Variants in BCAS4 observed in about 807,000 individuals in gnomAD.
BCAS4 encodes the protein breast carcinoma amplified sequence 4.
BCAS4 carries 9 observed loss-of-function variants against 15.7 expected under a neutral mutation model. The ratio of observed to expected loss-of-function variants is 0.57; its 90% CI spans 0.34 to 1.00. The LOEUF is 1.00. BCAS4 is among the 50% of genes least tolerant of loss of function. The pLI, the probability that BCAS4 is intolerant of heterozygous loss-of-function variation, is 0.02. For missense variants in BCAS4, 225 were observed against 239.1 expected (o/e 0.94, Z 0.39); for synonymous variants, 101 against 99.5 (o/e 1.02, Z -0.09).
intron 1 of BCAS4, among the ~76,000 whole-genome samples, chr20:50,797,030 A>G (rs1164804086): frequency 2.0e-5 from 3 of 151,706 alleles, no homozygotes; most frequent in Non-Finnish European, 4.4e-5. Context: ...TGGAGACGAG[A>G]TCTCACTATG....
intron 4 of BCAS4, among the ~76,000 whole-genome samples, chr20:50,863,248 C>CTTTTTTT (rs1054175958): frequency 5.8e-5 from 5 of 86,096 alleles, no homozygotes; most frequent in East Asian, 3.3e-4. Context: ...CTAACTGGTG[C>CTTTTTTT]TTTTTTTTTT....
intron 1 of BCAS4, among the ~76,000 whole-genome samples, chr20:50,804,133 G>A (rs759485089): frequency 1.6e-4 from 24 of 152,130 alleles, no homozygotes; most frequent in Non-Finnish European, 3.4e-4. Context: ...CTGCCTCCCG[G>A]GTTCAAGCGA....
intron 2 of BCAS4, among the ~76,000 whole-genome samples, chr20:50,823,839 A>G (rs1600862182): frequency 6.6e-6 from 1 of 152,046 alleles, no homozygotes; most frequent in Admixed American, 6.6e-5. Context: ...GTGATGAAAT[A>G]TTCTATATCT....
Position 50,829,246 on chromosome 20 carries a change from T to G in BCAS4, c.163-1033T>G, listed in dbSNP as rs185855451. Among the ~76,000 whole-genome samples, 32 of 151,860 alleles carry G rather than the reference T, an allele frequency of 2.1e-4. No homozygotes were observed. In the East Asian group the frequency reaches 5.6e-3, roughly 27 times the overall value. On this transcript the variant is annotated intron_variant, in intron 2 of 4. Coordinates refer to ENST00000371608, the MANE Select transcript of BCAS4 (RefSeq NM_198799.4). ...GATTCAGTTGCTCCCCAGAATTTTA[T>G]TTTTTTTCTTTTTTGAGATGGAGTT...
chr20:50,856,136 G>T (rs1284139433), intron 4 of BCAS4, among the ~76,000 whole-genome samples: 2 of 152,222 alleles, frequency 1.3e-5, no homozygotes, highest in African/African-American at 4.8e-5. Flanking sequence ...TCAGAACGCA[G>T]GTTCTGGAAT....
intron 4 of BCAS4, among the ~76,000 whole-genome samples, chr20:50,873,475 G>A (rs769747504): frequency 6.6e-6 from 1 of 152,226 alleles, no homozygotes; most frequent in Non-Finnish European, 1.5e-5. Context: ...GATGAGAGGG[G>A]CGGTCTTTGA....
intron 3 of BCAS4, among the ~76,000 whole-genome samples, chr20:50,838,374 G>A (rs6067566): frequency 0.058 from 8,826 of 152,216 alleles, 344 homozygotes; most frequent in Non-Finnish European, 0.086. Context: ...AGTGCCTGCC[G>A]GGGCTATATG....
chr20:50,808,540 T>C (rs935471621), intron 1 of BCAS4, among the ~76,000 whole-genome samples: 24 of 152,216 alleles, frequency 1.6e-4, no homozygotes, highest in African/African-American at 5.8e-4. Context: ...ATTTTTTGAT[T>C]ATAGCCATTC....
chr20:50,854,310 C>T lies in BCAS4; in HGVS notation c.399+12410C>T, dbSNP rs979847851. 2.0e-5 allele frequency among the ~76,000 whole-genome samples: 3 copies of T among 151,988 alleles called. No individual in the cohort carries two copies. In the South Asian group the frequency reaches 6.2e-4, roughly 32 times the overall value. On this transcript the variant is annotated intron_variant, in intron 4 of 4. Coordinates refer to ENST00000371608, the MANE Select transcript of BCAS4 (RefSeq NM_198799.4). ...CATGGCCTCAGGTCGAGGATTTGAACGTGCATGATTTGCTTTCCATTTGGC... is the reference window on the plus strand; with the variant it reads ...CATGGCCTCAGGTCGAGGATTTGAATGTGCATGATTTGCTTTCCATTTGGC...
chr20:50,806,756 G>T (rs2087994492), intron 1 of BCAS4, among the ~76,000 whole-genome samples: 1 of 151,452 alleles, frequency 6.6e-6, no homozygotes, highest in Admixed American at 6.6e-5. Context: ...GGGGGTACAT[G>T]AGATGTTTTG....
chr20:50,869,898 G>A (rs935237168), intron 4 of BCAS4, among the ~76,000 whole-genome samples: 2 of 151,788 alleles, frequency 1.3e-5, no homozygotes, highest in African/African-American at 2.4e-5. Context: ...ACAGGCACCC[G>A]CCACCACACC....
At chr20:50,856,187 C>CCTGCCTG (rs1476693482) in intron 4 of BCAS4, among the ~76,000 whole-genome samples, 3 of 152,318 alleles carry the variant, frequency 2.0e-5, no homozygotes, top group South Asian at 4.1e-4. Context: ...AGTGCAGACT[C>CCTGCCTG]CTGCCTGCTG....
At chr20:50,831,825 C>G (rs772153073) in intron 3 of BCAS4, among the ~76,000 whole-genome samples, 1 of 152,170 alleles carries the variant, frequency 6.6e-6, no homozygotes, top group Non-Finnish European at 1.5e-5. Flanking sequence ...CCAGAGGGAA[C>G]GTGAGCCCCT....
chr20:50,810,610 C>T (rs1357582383), intron 1 of BCAS4, among the ~76,000 whole-genome samples: 17 of 137,244 alleles, frequency 1.2e-4, no homozygotes, highest in African/African-American at 2.0e-4. Context: ...TTTTTTGAGA[C>T]GGAGTCGTCT....
At chr20:50,814,276 T>C (rs2088110494) in intron 1 of BCAS4, among the ~76,000 whole-genome samples, 1 of 152,192 alleles carries the variant, frequency 6.6e-6, no homozygotes. Context: ...GGGACACATT[T>C]CTAACTTCCC....
chr20:50,875,687 C>T (rs997174750), intron 4 of BCAS4, among the ~76,000 whole-genome samples: 3 of 151,272 alleles, frequency 2.0e-5, no homozygotes, highest in African/African-American at 7.3e-5. Context: ...GAGACTGAGG[C>T]AGGAGAATTG....
intron 3 of BCAS4, chr20:50,832,690 C>T (rs1174464712): frequency 6.6e-6 from 1 of 152,374 alleles, no homozygotes; most frequent in Non-Finnish European, 1.5e-5. Context: ...TTCTTTGCCT[C>T]TTTTCTTGCC....
At chr20:50,838,283 C>G (rs1039636573) in intron 3 of BCAS4, among the ~76,000 whole-genome samples, 3 of 152,216 alleles carry the variant, frequency 2.0e-5, no homozygotes, top group African/African-American at 7.2e-5. Flanking sequence ...AACCCACATT[C>G]TAAAGGGCGT....
intron 2 of BCAS4, among the ~76,000 whole-genome samples, chr20:50,823,564 G>A (rs1568663481): frequency 6.6e-6 from 1 of 152,154 alleles, no homozygotes; most frequent in Non-Finnish European, 1.5e-5. Context: ...GCTCACACCT[G>A]TAATTCCAGC....
Sources: gnomAD v4.1 joint callset for allele counts (sites outside exome capture counted in the v4.1 genomes callset) on GRCh38, gnomAD v4.1.1 for gene constraint, MANE v1.5 for transcripts, NCBI Gene and HGNC (gene_info 2026-07-23, HGNC 2026-07-21) for gene names.